The following DNAAF1 variants were observed in gnomAD, a reference collection of about 807,000 sequenced individuals.
DNAAF1 encodes the protein dynein axonemal assembly factor 1, also known as dynein assembly factor 1, axonemal.
A neutral mutation model predicts 71.1 loss-of-function variants in DNAAF1; 65 were observed. That is an observed-to-expected ratio of 0.91 (90% confidence interval 0.75 to 1.12). The LOEUF (loss-of-function observed/expected upper bound fraction) is 1.12, where lower values mean the gene tolerates loss of function less well. Ranked by LOEUF, DNAAF1 falls within the 50% of genes most tolerant of loss-of-function variation. The probability of loss-of-function intolerance (pLI) is 0.00; values close to 1 mark genes in which losing one functional copy is unlikely to be tolerated. For synonymous variants in DNAAF1, 414 were observed against 354.6 expected (o/e 1.17, Z -1.88); for missense variants, 1,178 against 899.8 (o/e 1.31, Z -3.96).
At chr16:84,176,650 C>T (rs562506999) in intron 11 of DNAAF1, 3 of 377,992 alleles carry the variant, frequency 7.9e-6, no homozygotes, top group African/African-American at 6.2e-5. Context: ...CTGGCCTCAG[C>T]CTTTCTAGAC....
chr16:84,174,983 G>A lies in DNAAF1; in HGVS notation c.1698+261G>A, dbSNP rs1289775214. ...CAATTCTCCTGTCTCAGCCTCCCAA[G>A]TAGCTGGGATTACAGGCATGAGCCA... On this transcript the variant is annotated intron_variant, in intron 10 of 11. Transcript: ENST00000378553. 9.4e-6 allele frequency: 4 copies of A among 424,984 alleles called. No homozygotes were observed. The East Asian group carries it at 1.6e-4, about 17-fold the overall frequency. The allele number at this position is 424,984 out of a possible 1,614,324, so 26.3% of individuals were successfully genotyped here.
intron 3 of DNAAF1, 25 bp from the exon 4 acceptor site, chr16:84,154,552 T>C: frequency 1.2e-6 from 2 of 1,610,088 alleles, no homozygotes; most frequent in African/African-American, 2.7e-5. Flanking sequence ...AGGAGCTTAA[T>C]TCCCACGTGC....
intron 7 of DNAAF1, among the ~76,000 whole-genome samples, chr16:84,169,429 T>G (rs769278445): frequency 4.6e-5 from 7 of 150,590 alleles, no homozygotes; most frequent in Non-Finnish European, 1.0e-4. Context: ...TTATTTATAA[T>G]TTTTTTTGGA....
rs1351387084 is a variant in DNAAF1, at chr16:84,155,596, C to T, written c.588C>T (p.Val196=). Residue 196 remains valine (V), a synonymous_variant, in exon 5 of 12, where the codon GTC becomes GTT. Transcript: ENST00000378553. ...CTTACCTTCCAGCCTGCCTCCCAGT[C>T]CTGAACACATTGCAGATGGCCCACA... ...KTIENLSCLP[V]LNTLQMAHNH... 4.3e-6 allele frequency: 7 copies of T among 1,614,034 alleles called. No individual in the cohort carries two copies. In the Admixed American group the frequency reaches 1.2e-4, roughly 27 times the overall value.
intron 10 of DNAAF1, 135 bp downstream of exon 10, chr16:84,174,857 T>C (rs2088568993): frequency 8.9e-7 from 1 of 1,120,724 alleles, no homozygotes; most frequent in African/African-American, 1.6e-5. Context: ...CATATTCTTT[T>C]TCTTTTCTTT....
At chr16:84,177,320 G>T (rs899016882) in intron 11 of DNAAF1, 10 of 336,718 alleles carry the variant, frequency 3.0e-5, no homozygotes, top group Non-Finnish European at 5.9e-5. Context: ...CTGTGGCCTA[G>T]GCTGGAATGC....
intron 11 of DNAAF1, chr16:84,176,791 C>G (rs2088702574): frequency 5.0e-6 from 1 of 200,018 alleles, no homozygotes; most frequent in East Asian, 1.1e-4. Context: ...TCCTAGTGGC[C>G]TTCAAGGCAG....
rs1055626352 is a variant in DNAAF1 at position 84,177,736 on chromosome 16, T to C, written c.2073T>C (p.Thr691=). 1 of 1,613,646 alleles carries C rather than the reference T, an allele frequency of 6.2e-7. No homozygotes were observed. Among genetic ancestry groups the C allele is most frequent in the African/African-American group, 1.3e-5 (1 of 74,892 alleles). Reference sequence around the variant, plus strand: ...TCACCCTTCCTTCCACAGTGCCGACTGAGAGCGCCGCCACACCCCCAGAGA... The same window carrying C: ...TCACCCTTCCTTCCACAGTGCCGACCGAGAGCGCCGCCACACCCCCAGAGA... ...DFLAASSPVP[T]ESAATPPETC... Residue 691 remains threonine (T), a synonymous_variant, in exon 12 of 12, where the codon ACT becomes ACC. Coordinates refer to ENST00000378553, the MANE Select transcript of DNAAF1 (RefSeq NM_178452.6).
Position 84,165,945 on chromosome 16 carries a change from G to A in DNAAF1, c.1026G>A (p.Glu342=). 6.2e-7 allele frequency: 1 copy of A among 1,612,476 alleles called. No individual in the cohort carries two copies. The highest frequency in any genetic ancestry group is 1.7e-4 in the Middle Eastern group (1 of 5,780). The change falls in exon 7 of 12, where the codon GAG becomes GAA. Residue 342 remains glutamate, a synonymous_variant. Coordinates refer to ENST00000378553, the MANE Select transcript of DNAAF1 (RefSeq NM_178452.6). ...EERKRQRESQ[E]RGEMTSSDDG... Reference sequence around the variant, plus strand: ...GGAAAAGACAGAGAGAGAGTCAAGAGAGAGGTATGCGCTCGGCCGAAGACA... The same window carrying A: ...GGAAAAGACAGAGAGAGAGTCAAGAAAGAGGTATGCGCTCGGCCGAAGACA...
chr16:84,155,781 C>G, intron 5 of DNAAF1, 32 bp downstream of exon 5: 1 of 1,612,446 alleles, frequency 6.2e-7, no homozygotes, highest in Non-Finnish European at 8.5e-7. Context: ...AACGAAAAAG[C>G]ACCACAGGAA....
intron 7 of DNAAF1, among the ~76,000 whole-genome samples, chr16:84,167,158 C>T (rs1031979914): frequency 2.6e-5 from 4 of 152,140 alleles, no homozygotes; most frequent in African/African-American, 9.7e-5. Flanking sequence ...GCTCACAGAA[C>T]TCCAGAGAAC....
chr16:84,166,018 C>T, intron 7 of DNAAF1, 69 bp downstream of exon 7: 1 of 1,565,486 alleles, frequency 6.4e-7, no homozygotes, highest in Non-Finnish European at 8.8e-7. Flanking sequence ...GCTCTCAAAC[C>T]CAGTCTTTAA....
Position 84,161,402 on chromosome 16 carries a change from T to C in DNAAF1, c.863+1606T>C, listed in dbSNP as rs1236379231. 2.6e-5 allele frequency among the ~76,000 whole-genome samples: 4 copies of C among 152,284 alleles called. No homozygotes were observed. In the East Asian group the frequency reaches 5.8e-4, roughly 22 times the overall value. The stretch of plus-strand genomic sequence containing the variant: ...GATTAACCTGGCTTGAGTCTCTTTT[T>C]AGAGACGGGGTTGCACTCTGTCACC... On this transcript the variant is annotated intron_variant, in intron 6 of 11. Coordinates refer to ENST00000378553, the MANE Select transcript of DNAAF1 (RefSeq NM_178452.6).
chr16:84,173,271 G>A (rs2088463806), intron 9 of DNAAF1: 1 of 831,266 alleles, frequency 1.2e-6, no homozygotes, highest in African/African-American at 1.9e-5. Context: ...AGACCATCCT[G>A]GCTAACATGG....
In DNAAF1 at chr16:84,160,199, G is replaced by C. The variant is rs569052312; in HGVS notation, c.863+403G>C. 2.0e-5 allele frequency among the ~76,000 whole-genome samples: 3 copies of C among 152,340 alleles called. No homozygotes were observed. In the South Asian group the frequency reaches 6.2e-4, roughly 32 times the overall value. ...AAAGGAAATCTTTGCCAAGTTTGTTGATGGGTGAAGATCGTACCCCATTGT... is the reference window on the plus strand; with the variant it reads ...AAAGGAAATCTTTGCCAAGTTTGTTCATGGGTGAAGATCGTACCCCATTGT... On this transcript the variant is annotated intron_variant, in intron 6 of 11. Coordinates refer to ENST00000378553, the MANE Select transcript of DNAAF1 (RefSeq NM_178452.6).
At position 84,176,243 on chromosome 16, in the gene DNAAF1, C is replaced by T. The variant is rs764156932; in HGVS notation, c.2009C>T (p.Ala670Val). The change falls in exon 11 of 12, where the codon GCA (alanine) becomes GTA (valine). Residue 670 changes from alanine (A) to valine (V), a missense_variant. Ala to Val is a moderately conservative substitution (Grantham distance 64). Coordinates refer to ENST00000378553, the MANE Select transcript of DNAAF1 (RefSeq NM_178452.6). ...CCCCCCACCTGCCAAAGAGATGCTG[C>T]ACCACTCACTTCCAGTGGAGACAGG... ...LMPPTCQRDA[A>V]PLTSSGDRDS... 16 of 1,613,614 alleles carry T rather than the reference C, an allele frequency of 9.9e-6. No individual in the cohort carries two copies. In the Admixed American group the frequency reaches 1.8e-4, roughly 18 times the overall value.
At chr16:84,175,775 CCTAA>C in intron 10 of DNAAF1, 154 bp from the exon 11 acceptor site, 1 of 915,944 alleles carries the variant, frequency 1.1e-6, no homozygotes, top group Non-Finnish European at 1.7e-6. Context: ...CACCCCCAGG[CCTAA>C]CTTTCAGAGT....
In DNAAF1 at chr16:84,176,167, C is replaced by T; in HGVS notation, c.1933C>T (p.Pro645Ser). The stretch of plus-strand genomic sequence containing the variant: ...AAAACAAGACACCAAGTCCCCAAGA[C>T]CCCTGATCCAGGAGCTCAGCGACGA... ...IRKQDTKSPRPLIQELSDEDP... is the reference protein window; with the variant it reads ...IRKQDTKSPRSLIQELSDEDP... Residue 645 changes from proline to serine, a missense_variant, in exon 11 of 12, where the codon CCC (proline) becomes TCC (serine). Pro to Ser is a moderately conservative substitution (Grantham distance 74). Coordinates refer to ENST00000378553, the MANE Select transcript of DNAAF1 (RefSeq NM_178452.6). 2 of 1,614,076 alleles carry T rather than the reference C, an allele frequency of 1.2e-6. No individual in the cohort carries two copies. Among genetic ancestry groups the T allele is most frequent in the Non-Finnish European group, 1.7e-6 (2 of 1,179,990 alleles).
chr16:84,148,833 A>G (rs1436867492), intron 1 of DNAAF1, among the ~76,000 whole-genome samples, 174 bp from the exon 2 acceptor site: 1 of 151,354 alleles, frequency 6.6e-6, no homozygotes, highest in African/African-American at 2.4e-5. Context: ...CGAGCAATCT[A>G]CCTGCCTCAG....
Sources: gnomAD v4.1 joint callset for allele counts (sites outside exome capture counted in the v4.1 genomes callset) on GRCh38, gnomAD v4.1.1 for gene constraint, MANE v1.5 for transcripts, NCBI Gene and HGNC (gene_info 2026-07-23, HGNC 2026-07-21) for gene names.